Variants in EGF observed in about 807,000 individuals in gnomAD.
EGF encodes pro-epidermal growth factor.
Under a neutral mutation model 143.8 loss-of-function variants are expected in EGF, and 95 were observed. The observed-to-expected ratio is 0.66, with a 90% CI of 0.56 to 0.78. The LOEUF (loss-of-function observed/expected upper bound fraction) is 0.78. Among genes scored for constraint, EGF ranks in the 30% least tolerant of loss-of-function variants. The probability of loss-of-function intolerance (pLI) is 0.00; values close to 1 mark genes in which losing one functional copy is unlikely to be tolerated. For missense variants in EGF, 1,320 were observed against 1,470.9 expected, an observed-to-expected ratio of 0.90 and a Z score of 1.68; for synonymous variants, 510 against 510.5, an observed-to-expected ratio of 1.00 and a Z score of 0.01.
chr4:110,008,732 T>G (rs1257394399), intron 23 of EGF, among the ~76,000 whole-genome samples: 3 of 152,226 alleles, frequency 2.0e-5, no homozygotes, highest in African/African-American at 7.2e-5. Context: ...CCTGGCTGTC[T>G]GTGAAGTCCA....
intron 15 of EGF, among the ~76,000 whole-genome samples, chr4:109,982,512 G>A (rs1749533900): frequency 6.6e-6 from 1 of 151,970 alleles, no homozygotes; most frequent in Non-Finnish European, 1.5e-5. Context: ...ATTTTTAGTA[G>A]AGACAGGGTT....
chr4:109,988,531 C>G, intron 17 of EGF, 53 bp from the exon 18 acceptor site: 1 of 1,612,232 alleles, frequency 6.2e-7, no homozygotes, highest in Non-Finnish European at 8.5e-7. Flanking sequence ...CAACTAGTCC[C>G]ATTTATATCA....
chr4:109,980,569 T>G (rs1291662249), intron 14 of EGF: 1 of 525,066 alleles, frequency 1.9e-6, no homozygotes, highest in Non-Finnish European at 3.4e-6. Context: ...AAGAATCACA[T>G]TTGACTAAAG....
At chr4:109,918,039 C>T (rs1422007503) in intron 1 of EGF, among the ~76,000 whole-genome samples, 1 of 152,188 alleles carries the variant, frequency 6.6e-6, no homozygotes, top group African/African-American at 2.4e-5. Flanking sequence ...GTAATATGTA[C>T]ACTGTACACA....
chr4:110,001,413 T>G (rs1456000461), intron 21 of EGF, among the ~76,000 whole-genome samples: 2 of 152,260 alleles, frequency 1.3e-5, no homozygotes, highest in Non-Finnish European at 2.9e-5. Context: ...TTTAATTCAG[T>G]AGTCCATCAA....
chr4:109,926,386 T>G (rs1009268111), intron 1 of EGF, among the ~76,000 whole-genome samples: 2 of 144,894 alleles, frequency 1.4e-5, no homozygotes, highest in African/African-American at 5.2e-5. Flanking sequence ...ACGGAGTCTC[T>G]CTCTGTCGCC....
chr4:109,960,216 A>G (rs1745466162), intron 6 of EGF, among the ~76,000 whole-genome samples: 1 of 152,240 alleles, frequency 6.6e-6, no homozygotes, highest in Non-Finnish European at 1.5e-5. Flanking sequence ...AAGGTTGAAG[A>G]GCACAATAGG....
At chr4:109,953,755 G>T (rs2126037188) in intron 5 of EGF, among the ~76,000 whole-genome samples, 1 of 152,302 alleles carries the variant, frequency 6.6e-6, no homozygotes, top group South Asian at 2.1e-4. Context: ...TGGCAGTCTG[G>T]AATGCAAGGT....
At chr4:109,921,776 A>T (rs1195651642) in intron 1 of EGF, among the ~76,000 whole-genome samples, 7 of 151,656 alleles carry the variant, frequency 4.6e-5, no homozygotes. Flanking sequence ...CAGTTGAGAA[A>T]TAGTGTTTTA....
chr4:109,945,392 T>A, intron 5 of EGF, 117 bp downstream of exon 5: 1 of 885,722 alleles, frequency 1.1e-6, no homozygotes, highest in Non-Finnish European at 1.8e-6. Context: ...AACCCTCATA[T>A]ATTCTTAGTC....
intron 1 of EGF, among the ~76,000 whole-genome samples, chr4:109,933,770 G>A (rs1740248537): frequency 6.6e-6 from 1 of 152,088 alleles, no homozygotes; most frequent in Admixed American, 6.5e-5. Context: ...TTTTATGGCG[G>A]CATAGTATTC....
chr4:109,994,031 G>GTTTTTT (rs369137893), intron 19 of EGF, among the ~76,000 whole-genome samples: 3 of 140,780 alleles, frequency 2.1e-5, no homozygotes, highest in African/African-American at 7.7e-5. Flanking sequence ...CTTGGTCTCT[G>GTTTTTT]TTTTTTTTTT....
intron 1 of EGF, among the ~76,000 whole-genome samples, chr4:109,934,100 T>C (rs1169862278): frequency 1.3e-5 from 2 of 152,234 alleles, no homozygotes; most frequent in Non-Finnish European, 2.9e-5. Flanking sequence ...TCCTGACTTT[T>C]TAATGATCGC....
Position 110,011,210 on chromosome 4 carries a change from C to T in EGF, c.3379C>T (p.Gln1127Ter), listed in dbSNP as rs1753955384. 6.2e-7 allele frequency: 1 copy of T among 1,613,764 alleles called. No individual in the cohort carries two copies. Among genetic ancestry groups the T allele is most frequent in the Admixed American group, 1.7e-5 (1 of 60,000 alleles). Reference sequence around the variant, plus strand: ...TTTTGTCTTTCATATAGGGTCAATGCAACCAACTTCATGGAGGCAGGAGCC... The same window carrying T: ...TTTTGTCTTTCATATAGGGTCAATGTAACCAACTTCATGGAGGCAGGAGCC... The part of the protein sequence containing the change: ...EDGQAADGSM[Q>*]PTSWRQEPQL... The change falls in exon 24 of 24, where the codon CAA (glutamine) becomes TAA (stop). Residue 1127 changes from glutamine to a stop codon, truncating the protein, a stop_gained. Transcript: ENST00000265171. LOFTEE classifies it low-confidence loss of function (END_TRUNC).
In EGF at chr4:110,011,239, G is replaced by T; in HGVS notation, c.3408G>T (p.Gln1136His). 6.2e-7 allele frequency: 1 copy of T among 1,614,098 alleles called. No homozygotes were observed. Among genetic ancestry groups the T allele is most frequent in the Non-Finnish European group, 8.5e-7 (1 of 1,180,016 alleles). ...MQPTSWRQEP[Q>H]LCGMGTEQGC... is the part of the protein sequence containing the mutation. ...CAACTTCATGGAGGCAGGAGCCCCA[G>T]TTATGTGGAATGGGCACAGAGCAAG... Residue 1136 changes from glutamine (Q) to histidine (H), a missense_variant, in exon 24 of 24, where the codon CAG (glutamine) becomes CAT (histidine). Physicochemically the swap from Gln to His is conservative, Grantham distance 24. Around this residue, in one of 5 missense-constraint regions of EGF, gnomAD observed 1,186 missense variants for 1,313.7 expected, o/e 0.90. Transcript: ENST00000265171.
intron 19 of EGF, 53 bp from the exon 20 acceptor site, chr4:109,994,674 GATACTT>G (rs1751517094): frequency 6.3e-7 from 1 of 1,577,932 alleles, no homozygotes; most frequent in East Asian, 2.2e-5. Context: ...TCCTCATATT[GATACTT>G]GAAAGACACT....
chr4:109,993,301 C>G lies in EGF; in HGVS notation c.2789C>G (p.Thr930Arg). 6.2e-7 allele frequency: 1 copy of G among 1,613,846 alleles called. No homozygotes were observed. The change falls in exon 19 of 24, where the codon ACA (threonine) becomes AGA (arginine). Residue 930 changes from threonine to arginine, a missense_variant. By Grantham distance (71) the Thr-to-Arg change is moderately conservative (BLOSUM62 -1). Coordinates refer to ENST00000265171, the MANE Select transcript of EGF (RefSeq NM_001963.6). The stretch of plus-strand genomic sequence containing the variant: ...AGCTGTGGAGAGAATGCCAGCTGCA[C>G]AAATACAGAGGGAGGCTATACCTGC... ...EHSCGENASC[T>R]NTEGGYTCMC...
At chr4:110,008,046 TTCCATAGGATGAACATCGTAA>T in intron 22 of EGF, 85 bp from the exon 23 acceptor site, 1 of 1,064,252 alleles carries the variant, frequency 9.4e-7, no homozygotes, top group Non-Finnish European at 1.4e-6. Context: ...GACTTTCACT[TTCCATAGGATGAACATCGTAA>T]AGCCATAGAC....
In EGF at chr4:109,924,175, G is replaced by A. The variant is rs976657235; in HGVS notation, c.127+10713G>A. On this transcript the variant is annotated intron_variant, in intron 1 of 23. Coordinates refer to ENST00000265171, the MANE Select transcript of EGF (RefSeq NM_001963.6). The stretch of plus-strand genomic sequence containing the variant: ...CAACTGCTTCTTATTATGGATGAGA[G>A]GCTGAGATCTAGACAGATGAAGTAG... Among the ~76,000 whole-genome samples, 15 of 151,566 alleles carry A rather than the reference G, an allele frequency of 9.9e-5. No homozygotes were observed. The South Asian group carries it at 3.1e-3, about 31-fold the overall frequency.
Sources: allele counts gnomAD v4.1 joint callset (sites outside exome capture counted in the v4.1 genomes callset), GRCh38; gene constraint gnomAD v4.1.1; regional missense constraint gnomAD v4.1.1; transcripts MANE v1.5; gene names NCBI Gene and HGNC (gene_info 2026-07-23, HGNC 2026-07-21).